The following DLG2 variants were observed in gnomAD, a reference collection of about 807,000 sequenced individuals.
The protein encoded by DLG2 is disks large homolog 2.
A neutral mutation model predicts 132.5 loss-of-function variants in DLG2; 45 were observed. That is an observed-to-expected ratio of 0.34 (90% CI 0.27 to 0.44). The LOEUF (loss-of-function observed/expected upper bound fraction) is 0.44. DLG2 is among the 20% of genes least tolerant of loss of function. The pLI is 1.00. For synonymous variants in DLG2, 424 were observed against 419.6 expected (o/e 1.01, Z -0.13); for missense variants, 1,045 against 1,196.9 (o/e 0.87, Z 1.87).
At chr11:83,622,796 G>T (rs1448202230) in intron 19 of DLG2, among the ~76,000 whole-genome samples, 2 of 151,770 alleles carry the variant, frequency 1.3e-5, no homozygotes, top group South Asian at 2.1e-4. Flanking sequence ...AATTTTTTTT[G>T]AATTTATTGA....
chr11:83,499,101 T>C (rs1353057536), intron 21 of DLG2, among the ~76,000 whole-genome samples: 3 of 152,148 alleles, frequency 2.0e-5, no homozygotes, highest in Non-Finnish European at 2.9e-5. Context: ...CCTAGATGGC[T>C]TTCCTGGTGA....
chr11:85,474,892 C>T (rs1047318723), intron 3 of DLG2, among the ~76,000 whole-genome samples: 27 of 151,242 alleles, frequency 1.8e-4, no homozygotes, highest in African/African-American at 6.3e-4. Context: ...TCTTTCAATG[C>T]TTACATTAGA....
chr11:83,804,456 C>T (rs912061757), intron 17 of DLG2, among the ~76,000 whole-genome samples: 1 of 151,718 alleles, frequency 6.6e-6, no homozygotes, highest in Non-Finnish European at 1.5e-5. Flanking sequence ...TTATAGAAAA[C>T]TTGAAGAACA....
intron 6 of DLG2, among the ~76,000 whole-genome samples, chr11:84,543,617 T>A (rs2099383674): frequency 6.6e-6 from 1 of 152,126 alleles, no homozygotes; most frequent in Non-Finnish European, 1.5e-5. Flanking sequence ...TTGATAAATG[T>A]TTGTTGAATA....
At chr11:84,131,069 C>T (rs1216695662) in intron 9 of DLG2, among the ~76,000 whole-genome samples, 1 of 151,918 alleles carries the variant, frequency 6.6e-6, no homozygotes, top group Non-Finnish European at 1.5e-5. Flanking sequence ...TAGTGATAGC[C>T]AGGGTGTGTG....
intron 6 of DLG2, among the ~76,000 whole-genome samples, chr11:84,585,665 T>A (rs1379778143): frequency 6.6e-6 from 1 of 152,246 alleles, no homozygotes; most frequent in Non-Finnish European, 1.5e-5. Flanking sequence ...AAGTCTTCTT[T>A]GGTAAATTTC....
chr11:85,351,413 G>T lies in DLG2; in HGVS notation c.41-66048C>A, dbSNP rs1234067711. Among the ~76,000 whole-genome samples, 9 of 152,136 alleles carry T rather than the reference G, an allele frequency of 5.9e-5. 1 individual carries two copies. Among genetic ancestry groups the T allele is most frequent in the Admixed American group, 3.3e-4 (5 of 15,274 alleles). On this transcript the variant is annotated intron_variant, in intron 3 of 27. Transcript: ENST00000376104. ...TGAATACCCTTTATTTCCTGCTCTT[G>T]CCTGATTGCCCTGGCAAGAACTTCC...
chr11:84,401,576 T>C lies in DLG2; in HGVS notation c.519+132994A>G, dbSNP rs150284328. 2.8e-3 allele frequency among the ~76,000 whole-genome samples: 424 copies of C among 152,258 alleles called. 1 individual carries two copies. The highest frequency in any genetic ancestry group is 9.9e-3 in the African/African-American group (412 of 41,538). On this transcript the variant is annotated intron_variant, in intron 7 of 27. Coordinates refer to ENST00000376104, the MANE Select transcript of DLG2 (RefSeq NM_001142699.3). The stretch of plus-strand genomic sequence containing the variant: ...GGATTTCTTTAGTACATTTAATTAA[T>C]ATTTTAGTACTCAATGTAAATATCT...
At chr11:84,318,423 A>C (rs912916704) in intron 7 of DLG2, among the ~76,000 whole-genome samples, 3 of 152,190 alleles carry the variant, frequency 2.0e-5, no homozygotes, top group African/African-American at 7.2e-5. Context: ...TACCTAACAA[A>C]GATTATATAA....
At chr11:84,483,307 C>T (rs2099142557) in intron 7 of DLG2, among the ~76,000 whole-genome samples, 1 of 151,634 alleles carries the variant, frequency 6.6e-6, no homozygotes, top group African/African-American at 2.4e-5. Context: ...TGGCGGGTGC[C>T]TGTAATCCCA....
chr11:84,754,822 A>ATT (rs766872875), intron 6 of DLG2, among the ~76,000 whole-genome samples: 25 of 152,198 alleles, frequency 1.6e-4, no homozygotes, highest in Non-Finnish European at 3.1e-4. Flanking sequence ...AGATTACTCA[A>ATT]TTGTTACAAA....
intron 6 of DLG2, among the ~76,000 whole-genome samples, chr11:84,970,101 G>A (rs2053870433): frequency 6.6e-6 from 1 of 151,952 alleles, no homozygotes; most frequent in Non-Finnish European, 1.5e-5. Flanking sequence ...AACCACCATG[G>A]CACGTGTATA....
intron 7 of DLG2, among the ~76,000 whole-genome samples, chr11:84,423,978 A>T (rs796494528): frequency 5.3e-5 from 8 of 152,296 alleles, no homozygotes; most frequent in African/African-American, 1.9e-4. Context: ...ACAAATAGTG[A>T]TGCTGGACAC....
rs544236612 is a variant in DLG2 at position 85,118,583 on chromosome 11, C to T, written c.283-6848G>A. Among the ~76,000 whole-genome samples, 21 of 152,054 alleles carry T rather than the reference C, an allele frequency of 1.4e-4. No homozygotes were observed. In the East Asian group the frequency reaches 1.5e-3, roughly 11 times the overall value. On this transcript the variant is annotated intron_variant, in intron 5 of 27. Coordinates refer to ENST00000376104, the MANE Select transcript of DLG2 (RefSeq NM_001142699.3). Reference sequence around the variant, plus strand: ...CAGGGTATCAATGGGGAGAGGACAGCGGGCTTTGACTTAGGAAGCATTTCC... The same window carrying T: ...CAGGGTATCAATGGGGAGAGGACAGTGGGCTTTGACTTAGGAAGCATTTCC...
chr11:83,578,068 A>ATATG lies in DLG2; in HGVS notation c.1941-36214_1941-36211dup, dbSNP rs1365784530. Among the ~76,000 whole-genome samples, 8 of 109,154 alleles carry ATATG rather than the reference A, an allele frequency of 7.3e-5. No individual in the cohort carries two copies. In the South Asian group the frequency reaches 1.8e-3, roughly 24 times the overall value. The allele number at this position is 109,154 out of a possible 152,430, so 71.6% of individuals were successfully genotyped here. On this transcript the variant is annotated intron_variant, in intron 19 of 27. Transcript: ENST00000376104. The stretch of plus-strand genomic sequence containing the variant: ...TGTGTGTGTGTGTGTATACATATAT[A>ATATG]TATGTATACACACACACACACACTG...
At chr11:85,482,919 G>A (rs979729824) in intron 3 of DLG2, among the ~76,000 whole-genome samples, 2 of 152,078 alleles carry the variant, frequency 1.3e-5, no homozygotes, top group African/African-American at 2.4e-5. Flanking sequence ...GTGGACCCAG[G>A]AAATATTTGA....
intron 3 of DLG2, among the ~76,000 whole-genome samples, chr11:85,357,704 TTATATATA>T (rs58283704): frequency 1.5e-3 from 162 of 106,128 alleles, no homozygotes; most frequent in East Asian, 2.8e-3. Context: ...CTGTTCTGAA[TTATATATA>T]TATATATATA....
chr11:85,087,296 G>A (rs1255777733), intron 6 of DLG2, among the ~76,000 whole-genome samples: 2 of 152,168 alleles, frequency 1.3e-5, no homozygotes, highest in Admixed American at 6.5e-5. Context: ...AACAGTGAGA[G>A]AGAGAGAGCC....
intron 4 of DLG2, among the ~76,000 whole-genome samples, chr11:85,240,004 T>C (rs1001152195): frequency 6.6e-5 from 10 of 151,930 alleles, no homozygotes; most frequent in African/African-American, 2.4e-4. Flanking sequence ...GTTAAACTCA[T>C]AGTTCCATCA....
Sources: gnomAD v4.1 joint callset for allele counts (sites outside exome capture counted in the v4.1 genomes callset) on GRCh38, gnomAD v4.1.1 for gene constraint, MANE v1.5 for transcripts, NCBI Gene and HGNC (gene_info 2026-07-23, HGNC 2026-07-21) for gene names.